Variants in RRBP1 observed in about 807,000 individuals in gnomAD.
RRBP1 encodes the protein ribosome binding protein 1, also known as ribosome-binding protein 1.
In RRBP1, 94 loss-of-function variants were observed where a neutral mutation model predicts 165.2. The ratio of observed to expected loss-of-function variants is 0.57; its 90% CI spans 0.48 to 0.68. The LOEUF (loss-of-function observed/expected upper bound fraction) is 0.68. RRBP1 is among the 30% of genes least tolerant of loss of function. The pLI is 0.00. For missense variants in RRBP1, 1,676 were observed against 1,763.0 expected (o/e 0.95, Z 0.88); for synonymous variants, 680 against 714.5 (o/e 0.95, Z 0.77).
rs1176654817 is a variant in RRBP1 at position 17,658,577 on chromosome 20, A to G, written c.1912+19T>C. ...AGACAGCCTTTCCTTCTAAGTTCAT[A>G]AAGAAATCAGTTACTTACCAGGCTC... On this transcript the variant is annotated intron_variant, in intron 3 of 24. Coordinates refer to ENST00000377813, the MANE Select transcript of RRBP1 (RefSeq NM_001365613.2). 1 of 1,563,918 alleles carries G rather than the reference A, an allele frequency of 6.4e-7. No homozygotes were observed. The highest frequency in any genetic ancestry group is 8.6e-7 in the Non-Finnish European group (1 of 1,157,654).
chr20:17,678,571 T>G (rs1292498682), intron 2 of RRBP1, among the ~76,000 whole-genome samples: 1 of 152,246 alleles, frequency 6.6e-6, no homozygotes. Flanking sequence ...TATTACCACA[T>G]GATCAAGAGG....
chr20:17,636,554 C>T (rs2122334669), intron 6 of RRBP1, 23 bp downstream of exon 6: 2 of 1,606,492 alleles, frequency 1.2e-6, no homozygotes, highest in South Asian at 2.2e-5. Flanking sequence ...CCTTCCCATG[C>T]CCCCGCCAGC....
At chr20:17,616,562 C>T (rs1411206650) in intron 21 of RRBP1, among the ~76,000 whole-genome samples, 170 bp downstream of exon 21, 5 of 152,212 alleles carry the variant, frequency 3.3e-5, no homozygotes, top group African/African-American at 1.2e-4. Context: ...CTGTTCCATG[C>T]TCTGTGGCTT....
At chr20:17,646,317 A>C (rs916682667) in intron 3 of RRBP1, among the ~76,000 whole-genome samples, 1 of 152,172 alleles carries the variant, frequency 6.6e-6, no homozygotes, top group African/African-American at 2.4e-5. Flanking sequence ...CAAATAAATG[A>C]ATGAAACCAC....
chr20:17,617,048 G>A (rs2035815271), intron 20 of RRBP1, among the ~76,000 whole-genome samples: 1 of 152,206 alleles, frequency 6.6e-6, no homozygotes, highest in Non-Finnish European at 1.5e-5. Context: ...GGGCTAATGA[G>A]ACCCAATGTG....
chr20:17,621,635 C>T, intron 15 of RRBP1, 55 bp downstream of exon 15: 1 of 1,594,804 alleles, frequency 6.3e-7, no homozygotes, highest in Non-Finnish European at 8.6e-7. Context: ...GGCAGCCCCT[C>T]TTCCTGGGGA....
rs2036406334 is a variant in RRBP1, at chr20:17,643,489, A to G, written c.1913-362T>C. Among the ~76,000 whole-genome samples, 1 of 151,206 alleles carries G rather than the reference A, an allele frequency of 6.6e-6. No homozygotes were observed. The highest frequency in any genetic ancestry group is 2.4e-5 in the African/African-American group (1 of 41,022). On this transcript the variant is annotated intron_variant, in intron 3 of 24. Transcript: ENST00000377813. This position sits in a 1 kb window ranked among gnomAD's most constrained non-coding sequence, Gnocchi z 4.3. The stretch of plus-strand genomic sequence containing the variant: ...CCTTCCTTTTTTTTCTCGCAAATGC[A>G]CTGGTCCTGTTCTCAACCTGCATGG...
chr20:17,628,267 G>A (rs577152162), intron 9 of RRBP1, among the ~76,000 whole-genome samples: 4 of 152,230 alleles, frequency 2.6e-5, no homozygotes, highest in Middle Eastern at 3.4e-3. Context: ...TCTGCCATCT[G>A]CCTCTTCTAA....
Position 17,614,792 on chromosome 20 carries a change from T to G in RRBP1, c.4139A>C (p.Gln1380Pro), listed in dbSNP as rs1280446526. ...LQELLKTTQE[Q>P]LAREKDTVKK... The stretch of plus-strand genomic sequence containing the variant: ...CACCGTGTCCTTCTCCCTTGCCAGC[T>G]GCTCCTGGGTCGTCTTCAGAAGCTC... Residue 1380 changes from glutamine to proline, a missense_variant, in exon 24 of 25, where the codon CAG becomes CCG. Gln to Pro is a moderately conservative substitution (Grantham distance 76). This residue lies in a region of RRBP1 where 1,184 missense variants were observed against 1,167.1 expected (regional missense o/e 1.01). Coordinates refer to ENST00000377813, the MANE Select transcript of RRBP1 (RefSeq NM_001365613.2). The G allele has an allele frequency of 2.5e-6, 4 of 1,613,866 alleles. No homozygotes were observed. Among genetic ancestry groups the G allele is most frequent in the Non-Finnish European group, 3.4e-6 (4 of 1,180,026 alleles).
intron 12 of RRBP1, 94 bp downstream of exon 12, chr20:17,625,418 C>T (rs1224790501): frequency 2.2e-5 from 24 of 1,087,344 alleles, no homozygotes; most frequent in Non-Finnish European, 3.2e-5. Flanking sequence ...AGCCCTCCCC[C>T]GAGTCCAGGG....
At position 17,658,623 on chromosome 20, in the gene RRBP1, A is replaced by T; in HGVS notation, c.1885T>A (p.Ser629Thr). 1 of 1,604,468 alleles carries T rather than the reference A, an allele frequency of 6.2e-7. No individual in the cohort carries two copies. The stretch of plus-strand genomic sequence containing the variant: ...GGCTCACCTTTTTTCTTTGAACCAG[A>T]CTTCTTCTTGGCAGGAGCCTCTTGC... ...PKQEAPAKKK[S>T]GSKKKGEPGP... The change falls in exon 3 of 25, where the codon TCT becomes ACT. Residue 629 changes from serine (S) to threonine (T), a missense_variant. Physicochemically the swap from Ser to Thr is moderately conservative, Grantham distance 58. Around this residue, in one of 5 missense-constraint regions of RRBP1, gnomAD observed 1,184 missense variants for 1,167.1 expected, o/e 1.01. Transcript: ENST00000377813.
chr20:17,642,069 G>T, intron 4 of RRBP1, 150 bp from the exon 5 acceptor site: 1 of 912,560 alleles, frequency 1.1e-6, no homozygotes, highest in Non-Finnish European at 1.6e-6. Context: ...ATACTTGTGG[G>T]GAAAGGCGGC....
intron 12 of RRBP1, 56 bp from the exon 13 acceptor site, chr20:17,624,724 A>G: frequency 7.8e-7 from 1 of 1,288,144 alleles, no homozygotes; most frequent in Non-Finnish European, 1.1e-6. Flanking sequence ...CGGGCTGCCT[A>G]AGCTGGTGTC....
At position 17,659,903 on chromosome 20, in the gene RRBP1, G is replaced by A. The variant is rs377495117; in HGVS notation, c.605C>T (p.Ala202Val). 8 of 1,558,142 alleles carry A rather than the reference G, an allele frequency of 5.1e-6. No homozygotes were observed. The highest frequency in any genetic ancestry group is 2.4e-5 in the South Asian group (2 of 84,872). The change falls in exon 3 of 25, where the codon GCG becomes GTG. Residue 202 changes from alanine (A) to valine (V), a missense_variant. This residue lies in a region of RRBP1 where 392 missense variants were observed against 382.5 expected (regional missense o/e 1.02). Transcript: ENST00000377813. ...PATGTTQGKK[A>V]EGTQNQSKKA... Reference sequence around the variant, plus strand: ...TTTGCTTTGATTCTGAGTCCCCTCCGCCTTTTTGCCCTGAGTAGTGCCAGT... The same window carrying A: ...TTTGCTTTGATTCTGAGTCCCCTCCACCTTTTTGCCCTGAGTAGTGCCAGT...
At chr20:17,630,030 G>C (rs2036118117) in intron 8 of RRBP1, 69 bp from the exon 9 acceptor site, 2 of 1,505,266 alleles carry the variant, frequency 1.3e-6, no homozygotes, top group Admixed American at 3.7e-5. Context: ...CTCTGCGGTG[G>C]AGGCGGACAG....
At chr20:17,616,387 G>A (rs189085414) in intron 21 of RRBP1, among the ~76,000 whole-genome samples, 7 of 152,304 alleles carry the variant, frequency 4.6e-5, no homozygotes, top group Admixed American at 3.9e-4. Context: ...TATCCTGCTA[G>A]CGATGTCCCA....
intron 2 of RRBP1, among the ~76,000 whole-genome samples, chr20:17,679,058 G>A (rs529554685): frequency 2.7e-4 from 41 of 152,232 alleles, no homozygotes; most frequent in African/African-American, 7.2e-4. Flanking sequence ...TTGGAAGGCC[G>A]GGCCCACATC....
chr20:17,650,051 G>A (rs1156985028), intron 3 of RRBP1, among the ~76,000 whole-genome samples: 2 of 152,062 alleles, frequency 1.3e-5, no homozygotes, highest in African/African-American at 4.8e-5. Context: ...CTCCTCAGAG[G>A]ACACAGGGCT....
chr20:17,641,909 T>G lies in RRBP1; in HGVS notation c.2072A>C (p.Lys691Thr). ...TTTCAGAATCGCCACAGGGTCACCC[T>G]TCTGAGTGGCCTAGAAATACCCAGA... Reference protein sequence around the residue: ...IQDTWHKATQKGDPVAILKRQ... With the variant: ...IQDTWHKATQTGDPVAILKRQ... Residue 691 changes from lysine to threonine, a missense_variant, in exon 5 of 25, where the codon AAG becomes ACG. Transcript: ENST00000377813. The G allele has an allele frequency of 1.9e-6, 3 of 1,613,680 alleles. No individual in the cohort carries two copies. The highest frequency in any genetic ancestry group is 1.7e-6 in the Non-Finnish European group (2 of 1,179,630).
Sources: allele counts gnomAD v4.1 joint callset (sites outside exome capture counted in the v4.1 genomes callset), GRCh38; gene constraint gnomAD v4.1.1; regional missense constraint gnomAD v4.1.1; non-coding constraint Gnocchi (gnomAD v3.1); transcripts MANE v1.5; gene names NCBI Gene and HGNC (gene_info 2026-07-23, HGNC 2026-07-21).